Variants in GALNT14 observed in about 807,000 individuals in gnomAD.
GALNT14 encodes the protein polypeptide N-acetylgalactosaminyltransferase 14.
In GALNT14, 60 loss-of-function variants were observed where a neutral mutation model predicts 77.5. The observed-to-expected ratio is 0.77, with a 90% CI of 0.63 to 0.96. The LOEUF (loss-of-function observed/expected upper bound fraction) is 0.96. Among genes scored for constraint, GALNT14 ranks in the 40% least tolerant of loss-of-function variants. GALNT14 has a pLI of 0.00. For synonymous variants in GALNT14, 280 were observed against 281.7 expected, an observed-to-expected ratio of 0.99 and a Z score of 0.06; for missense variants, 710 against 731.0, an observed-to-expected ratio of 0.97 and a Z score of 0.33.
chr2:30,893,444 T>G, the GALNT14 span, among the ~76,000 whole-genome samples: 1 of 152,224 alleles, frequency 6.6e-6, no homozygotes, highest in Non-Finnish European at 1.5e-5. Context: ...AAAGGAGGTT[T>G]ATTGTAATTC....
At chr2:31,010,436 A>G (rs533248769) in intron 1 of GALNT14, among the ~76,000 whole-genome samples, 3 of 152,312 alleles carry the variant, frequency 2.0e-5, no homozygotes, top group East Asian at 3.9e-4. Context: ...CATCTCTACT[A>G]AAAATACAAA....
the GALNT14 span, among the ~76,000 whole-genome samples, chr2:30,892,267 A>T: frequency 2.6e-5 from 4 of 152,246 alleles, no homozygotes; most frequent in Non-Finnish European, 5.9e-5. Flanking sequence ...GTATGAAGGG[A>T]AAGATGCCAT....
chr2:30,941,183 A>ACC (rs1666357899), intron 9 of GALNT14, among the ~76,000 whole-genome samples: 1 of 152,200 alleles, frequency 6.6e-6, no homozygotes, highest in Non-Finnish European at 1.5e-5. Flanking sequence ...GTGCCACGGT[A>ACC]CCCAGAGAGG....
chr2:30,932,313 G>T, intron 9 of GALNT14, 119 bp from the exon 10 acceptor site: 1 of 949,418 alleles, frequency 1.1e-6, no homozygotes, highest in Non-Finnish European at 1.5e-6. Flanking sequence ...TCTGCAGCCA[G>T]TCTGTAGGCT....
chr2:30,914,160 A>G (rs1306804320), intron 13 of GALNT14, among the ~76,000 whole-genome samples: 1 of 152,206 alleles, frequency 6.6e-6, no homozygotes, highest in Non-Finnish European at 1.5e-5. Context: ...TAATTTTCAT[A>G]AGAATCCTAT....
At chr2:30,903,449 C>T in the GALNT14 span, among the ~76,000 whole-genome samples, 4 of 152,186 alleles carry the variant, frequency 2.6e-5, no homozygotes, top group Admixed American at 6.5e-5. Context: ...CTGTGACTTC[C>T]GTCTTGGTGG....
intron 13 of GALNT14, among the ~76,000 whole-genome samples, chr2:30,918,794 T>C (rs1420329656): frequency 2.4e-5 from 3 of 125,176 alleles, no homozygotes; most frequent in Non-Finnish European, 4.9e-5. Flanking sequence ...GAGGGTGGCA[T>C]TGGGCAGGGA....
At chr2:30,887,602 T>C in the GALNT14 span, among the ~76,000 whole-genome samples, 163 of 152,348 alleles carry the variant, frequency 1.1e-3, no homozygotes, top group Non-Finnish European at 1.8e-3. Flanking sequence ...AAAAGTTCTT[T>C]ATATATTCTG....
At chr2:30,887,252 T>C in the GALNT14 span, among the ~76,000 whole-genome samples, 1 of 152,216 alleles carries the variant, frequency 6.6e-6, no homozygotes, top group Non-Finnish European at 1.5e-5. Flanking sequence ...CTGAAATTCC[T>C]AGGTCAAATG....
At chr2:31,051,500 A>G (rs11884697) in intron 1 of GALNT14, among the ~76,000 whole-genome samples, 113,052 of 152,066 alleles carry the variant, frequency 0.74, 42,330 homozygotes, top group East Asian at 1. Context: ...CCTGCCCTAC[A>G]GATCTCAAGC....
At chr2:31,015,297 GAAAAA>G (rs57122032) in intron 1 of GALNT14, among the ~76,000 whole-genome samples, 1 of 121,004 alleles carries the variant, frequency 8.3e-6, no homozygotes, top group East Asian at 2.4e-4. Flanking sequence ...CATCTCAAAG[GAAAAA>G]AAAAAAAAAA....
chr2:30,935,735 T>C (rs2148263781), intron 9 of GALNT14, among the ~76,000 whole-genome samples: 1 of 152,330 alleles, frequency 6.6e-6, no homozygotes, highest in African/African-American at 2.4e-5. Flanking sequence ...ATGTGTATCC[T>C]CTCAGGATTG....
chr2:30,984,160 C>T (rs575552465), intron 2 of GALNT14, among the ~76,000 whole-genome samples: 11 of 152,328 alleles, frequency 7.2e-5, no homozygotes, highest in African/African-American at 2.6e-4. Context: ...CTAGCTCCTG[C>T]TTCTCACTGT....
the GALNT14 span, among the ~76,000 whole-genome samples, chr2:30,892,959 G>A: frequency 4.6e-5 from 7 of 152,278 alleles, no homozygotes; most frequent in African/African-American, 1.4e-4. Context: ...TTTCATCTTA[G>A]AATTTAATAA....
intron 1 of GALNT14, among the ~76,000 whole-genome samples, chr2:31,003,361 T>C (rs1307327580): frequency 6.6e-6 from 1 of 152,144 alleles, no homozygotes; most frequent in Non-Finnish European, 1.5e-5. Flanking sequence ...TGAGTTTACT[T>C]TTCTGTTCTA....
intron 1 of GALNT14, among the ~76,000 whole-genome samples, chr2:31,090,689 C>T (rs887239188): frequency 3.3e-5 from 5 of 151,796 alleles, no homozygotes; most frequent in Non-Finnish European, 7.4e-5. Context: ...GCCATGTTGG[C>T]CAGGCTGGTC....
At chr2:31,048,357 G>A (rs1338343910) in intron 1 of GALNT14, among the ~76,000 whole-genome samples, 2 of 152,148 alleles carry the variant, frequency 1.3e-5, no homozygotes, top group Non-Finnish European at 2.9e-5. Context: ...GCCTAAATGT[G>A]CACCAGCCAC....
intron 1 of GALNT14, among the ~76,000 whole-genome samples, chr2:31,094,884 A>G (rs1276007764): frequency 1.3e-5 from 2 of 152,184 alleles, no homozygotes; most frequent in Admixed American, 1.3e-4. Context: ...TTCCCTGGCC[A>G]CAGTAACTCC....
chr2:31,010,132 CCCA>C (rs1413705857), intron 1 of GALNT14, among the ~76,000 whole-genome samples: 2 of 152,278 alleles, frequency 1.3e-5, no homozygotes, highest in Admixed American at 1.3e-4. Context: ...ATTACAGGAG[CCCA>C]CCACCACATC....
Sources: gnomAD v4.1 joint callset for allele counts (sites outside exome capture counted in the v4.1 genomes callset) on GRCh38, gnomAD v4.1.1 for gene constraint, MANE v1.5 for transcripts, NCBI Gene and HGNC (gene_info 2026-07-23, HGNC 2026-07-21) for gene names.